MON2: variants seen among roughly 807,000 people sequenced by gnomAD.
MON2 encodes MON2 regulator of endosome-to-Golgi trafficking.
MON2 carries 84 observed loss-of-function variants against 208.6 expected under a neutral mutation model. The ratio of observed to expected loss-of-function variants is 0.40; its 90% confidence interval spans 0.34 to 0.48. The LOEUF is 0.48. Ranked by LOEUF, MON2 falls within the 20% of genes least tolerant of loss-of-function variation. The pLI, the probability that MON2 is intolerant of heterozygous loss-of-function variation, is 0.59. For synonymous variants in MON2, 660 were observed against 694.0 expected (o/e 0.95, Z 0.77); for missense variants, 1,611 against 2,015.4 (o/e 0.80, Z 3.84).
At chr12:62,513,866 C>T (rs1417538328) in intron 8 of MON2, among the ~76,000 whole-genome samples, 1 of 146,060 alleles carries the variant, frequency 6.8e-6, no homozygotes, top group African/African-American at 2.5e-5. Flanking sequence ...AGGAGAATGG[C>T]ATGAACCCAG....
At chr12:62,493,718 G>A (rs559728887) in intron 2 of MON2, among the ~76,000 whole-genome samples, 197 bp from the exon 3 acceptor site, 12 of 152,238 alleles carry the variant, frequency 7.9e-5, no homozygotes, top group African/African-American at 2.6e-4. Context: ...AGTAGTTAAG[G>A]CGTATAGCTT....
intron 34 of MON2, among the ~76,000 whole-genome samples, chr12:62,591,146 A>C (rs1370278130): frequency 1.3e-5 from 2 of 151,646 alleles, no homozygotes; most frequent in Non-Finnish European, 2.9e-5. Context: ...TTCACAGGAG[A>C]CAACTGAAGC....
intron 21 of MON2, among the ~76,000 whole-genome samples, chr12:62,545,993 T>A (rs2073466691): frequency 6.6e-6 from 1 of 152,176 alleles, no homozygotes; most frequent in Non-Finnish European, 1.5e-5. Context: ...ACCAAATAAA[T>A]GAATCCCCTA....
chr12:62,476,019 AAAG>A (rs1263756275), intron 1 of MON2, among the ~76,000 whole-genome samples: 1 of 149,636 alleles, frequency 6.7e-6, no homozygotes, highest in East Asian at 2.0e-4. Flanking sequence ...CTCAAAAAGA[AAAG>A]AAAAGGAAGG....
At chr12:62,559,788 GA>G (rs1476993592) in intron 25 of MON2, 2 of 141,032 alleles carry the variant, frequency 1.4e-5, no homozygotes, top group East Asian at 2.0e-4. Context: ...AAAAAAAAAA[GA>G]AAAAAATTCT....
In MON2 at chr12:62,560,926, C is replaced by G. The variant is rs147032618; in HGVS notation, c.3845C>G (p.Ala1282Gly). ...FLTALIQIFP[A>G]LYQHIKTGFN... Reference sequence around the variant, plus strand: ...ACAGCTTTAATTCAGATATTTCCAGCTCTCTACCAACACATAAAAACTGGT... The same window carrying G: ...ACAGCTTTAATTCAGATATTTCCAGGTCTCTACCAACACATAAAAACTGGT... The change falls in exon 26 of 35, where the codon GCT becomes GGT. Residue 1282 changes from alanine (A) to glycine (G), a missense_variant. By Grantham distance (60) the Ala-to-Gly change is moderately conservative (BLOSUM62 0). Transcript: ENST00000393630. 16 of 1,613,770 alleles carry G rather than the reference C, an allele frequency of 9.9e-6. No homozygotes were observed. The Admixed American group carries it at 1.8e-4, about 18-fold the overall frequency.
chr12:62,471,750 C>T (rs2068801694), intron 1 of MON2, among the ~76,000 whole-genome samples: 1 of 152,134 alleles, frequency 6.6e-6, no homozygotes, highest in Admixed American at 6.5e-5. Flanking sequence ...GTTAAAGATA[C>T]AGGAGAGAAA....
rs920569072 is a variant in MON2, at chr12:62,537,187, G to A, written c.1937G>A (p.Ser646Asn). The change falls in exon 15 of 35, where the codon AGT becomes AAT. Residue 646 changes from serine (S) to asparagine (N), a missense_variant. Ser to Asn is a conservative substitution (Grantham distance 46). Transcript: ENST00000393630. ...CAGGGCCAAAGTGTTATGATGATAA[G>A]TCCATCAAGTGAATCTCACCAACAA... ...SVQGQSVMMI[S>N]PSSESHQQVV... The A allele has an allele frequency of 1.9e-6, 3 of 1,613,202 alleles. No homozygotes were observed. Among genetic ancestry groups the A allele is most frequent in the African/African-American group, 2.7e-5 (2 of 74,888 alleles).
chr12:62,560,332 T>G, intron 25 of MON2, 159 bp from the exon 26 acceptor site: 1 of 671,922 alleles, frequency 1.5e-6, no homozygotes, highest in South Asian at 2.8e-5. Context: ...GTGATAATTT[T>G]AATTCCCATT....
intron 4 of MON2, 70 bp downstream of exon 4, chr12:62,495,217 A>G (rs2070402500): frequency 7.1e-7 from 1 of 1,415,626 alleles, no homozygotes; most frequent in South Asian, 1.5e-5. Flanking sequence ...CTGAAAGAGA[A>G]AAGCTTGGTG....
intron 7 of MON2, among the ~76,000 whole-genome samples, chr12:62,504,004 G>A (rs1317888355): frequency 6.6e-6 from 1 of 151,008 alleles, no homozygotes; most frequent in African/African-American, 2.4e-5. Flanking sequence ...TACATATTGT[G>A]TATTATTTTA....
intron 25 of MON2, among the ~76,000 whole-genome samples, chr12:62,558,642 A>G (rs531246472): frequency 7.2e-5 from 11 of 152,106 alleles, no homozygotes; most frequent in South Asian, 6.2e-4. Flanking sequence ...TCTTTTAAAC[A>G]GTTTACTTAA....
intron 11 of MON2, 74 bp downstream of exon 11, chr12:62,526,176 T>C: frequency 2.8e-6 from 4 of 1,427,524 alleles, no homozygotes; most frequent in Non-Finnish European, 3.9e-6. Context: ...TTCTTCTCTA[T>C]TGTATTTTAA....
At chr12:62,571,183 G>A (rs1211423185) in intron 29 of MON2, among the ~76,000 whole-genome samples, 1 of 152,122 alleles carries the variant, frequency 6.6e-6, no homozygotes, top group Non-Finnish European at 1.5e-5. Context: ...GATAGAGATA[G>A]GATTTAAAAG....
rs920000743 is a variant in MON2, at chr12:62,597,267, T to C, written c.*4518T>C. On this transcript the variant is annotated 3_prime_UTR_variant, in exon 35 of 35. Coordinates refer to ENST00000393630, the MANE Select transcript of MON2 (RefSeq NM_015026.3). ...ATCCTTGTTAAATTTTATGTTTACG[T>C]TACCATCTTTCTTATACTTTCCCCT... 1 of 152,194 alleles carries C rather than the reference T, an allele frequency of 6.6e-6. No homozygotes were observed. Among genetic ancestry groups the C allele is most frequent in the Non-Finnish European group, 1.5e-5 (1 of 68,028 alleles). The allele number at this position is 152,194 out of a possible 1,614,324, so 9.4% of individuals were successfully genotyped here. A position where few individuals can be genotyped will look rare whatever the true frequency, so the allele number is the denominator to read the frequency against.
chr12:62,543,058 C>G (rs372143100), intron 19 of MON2, 39 bp from the exon 20 acceptor site: 123 of 1,118,510 alleles, frequency 1.1e-4, no homozygotes, highest in Middle Eastern at 5.9e-4. Context: ...ACTCAGAATT[C>G]TCCTTATACT....
chr12:62,538,996 CGG>C (rs1169102462), intron 19 of MON2, among the ~76,000 whole-genome samples: 2 of 151,832 alleles, frequency 1.3e-5, no homozygotes, highest in African/African-American at 2.4e-5. Flanking sequence ...ATGAATAAAA[CGG>C]TACTTTTGAA....
chr12:62,535,821 ACCTTGGG>A, intron 14 of MON2, 112 bp downstream of exon 14: 1 of 464,696 alleles, frequency 2.2e-6, no homozygotes, highest in Non-Finnish European at 3.0e-6. Context: ...TGACTGTGTG[ACCTTGGG>A]GAAATTAATG....
At chr12:62,566,824 A>G (rs1196909602) in intron 29 of MON2, among the ~76,000 whole-genome samples, 1 of 152,034 alleles carries the variant, frequency 6.6e-6, no homozygotes, top group East Asian at 1.9e-4. Flanking sequence ...AACATGGCAC[A>G]TGTATACATA....
Sources: allele counts gnomAD v4.1 joint callset (sites outside exome capture counted in the v4.1 genomes callset), GRCh38; gene constraint gnomAD v4.1.1; transcripts MANE v1.5; gene names NCBI Gene and HGNC (gene_info 2026-07-23, HGNC 2026-07-21).